PCDHA8: variants seen among roughly 807,000 people sequenced by gnomAD.
PCDHA8 encodes the protein protocadherin alpha-8.
A neutral mutation model predicts 61.8 loss-of-function variants in PCDHA8; 53 were observed. The ratio of observed to expected loss-of-function variants is 0.86; its 90% CI spans 0.69 to 1.08. The LOEUF is 1.08. PCDHA8 is among the 50% of genes least tolerant of loss of function. The pLI, the probability that PCDHA8 is intolerant of heterozygous loss-of-function variation, is 0.00. For missense variants in PCDHA8, 1,293 were observed against 1,245.0 expected (o/e 1.04, Z -0.58); for synonymous variants, 618 against 556.6 (o/e 1.11, Z -1.55).
In PCDHA8 at chr5:140,841,782, T is replaced by C. The variant is rs1777485845; in HGVS notation, c.461T>C (p.Leu154Pro). The C allele has an allele frequency of 6.2e-7, 1 of 1,613,764 alleles. No individual in the cohort carries two copies. The highest frequency in any genetic ancestry group is 8.5e-7 in the Non-Finnish European group (1 of 1,179,868). Reference protein sequence around the residue: ...ESRMPDSRFPLEGASDADVGA... With the variant: ...ESRMPDSRFPPEGASDADVGA... Reference sequence around the variant, plus strand: ...AGAATGCCAGACTCTCGGTTTCCGCTAGAGGGCGCGTCCGATGCAGATGTT... The same window carrying C: ...AGAATGCCAGACTCTCGGTTTCCGCCAGAGGGCGCGTCCGATGCAGATGTT... Residue 154 changes from leucine (L) to proline (P), a missense_variant, in exon 1 of 4, where the codon CTA becomes CCA. Coordinates refer to ENST00000531613, the MANE Select transcript of PCDHA8 (RefSeq NM_018911.3).
At position 140,892,381 on chromosome 5, in the gene PCDHA8, G is replaced by A. The variant is rs534818455; in HGVS notation, c.2394+48666G>A. Among the ~76,000 whole-genome samples the A allele has an allele frequency of 2.6e-5, 4 of 152,070 alleles. No individual in the cohort carries two copies. The South Asian group carries it at 8.3e-4, about 32-fold the overall frequency. On this transcript the variant is annotated intron_variant, in intron 1 of 3. Coordinates refer to ENST00000531613, the MANE Select transcript of PCDHA8 (RefSeq NM_018911.3). ...GCATCTTGGGGCACTAGCAATCATG[G>A]GTAATCTTAATCTATTTCAAGCTTC...
At position 140,843,568 on chromosome 5, in the gene PCDHA8, A is replaced by G; in HGVS notation, c.2247A>G (p.Ser749=). Residue 749 remains serine, a synonymous_variant, in exon 1 of 4, where the codon TCA becomes TCG. Transcript: ENST00000531613. The stretch of plus-strand genomic sequence containing the variant: ...GCTCCAGTGCGGTGGGGAGCTGGTC[A>G]TACTCGCAACAACAGCCGCAGAGGG... ...LVCSSAVGSW[S]YSQQQPQRVC... The G allele has an allele frequency of 6.3e-7, 1 of 1,595,946 alleles. No individual in the cohort carries two copies. Among genetic ancestry groups the G allele is most frequent in the Non-Finnish European group, 8.6e-7 (1 of 1,165,464 alleles).
chr5:140,872,015 G>T (rs1322069149), intron 1 of PCDHA8, among the ~76,000 whole-genome samples: 3 of 152,208 alleles, frequency 2.0e-5, no homozygotes, highest in Non-Finnish European at 4.4e-5. Flanking sequence ...GTGACCTGTA[G>T]CCTGGAACTG....
intron 1 of PCDHA8, chr5:140,869,060 T>C (rs1490534322): frequency 2.6e-6 from 4 of 1,556,804 alleles, no homozygotes; most frequent in East Asian, 2.2e-5. Context: ...AATCTGGTAC[T>C]GTAAGTGTAA....
At chr5:140,887,928 A>G (rs1345223604) in intron 1 of PCDHA8, among the ~76,000 whole-genome samples, 1 of 152,138 alleles carries the variant, frequency 6.6e-6, no homozygotes, top group Non-Finnish European at 1.5e-5. Flanking sequence ...TTCAGAGACC[A>G]TATTTATTTC....
intron 1 of PCDHA8, chr5:140,967,773 A>C (rs1285230643): frequency 1.9e-6 from 3 of 1,614,108 alleles, no homozygotes; most frequent in Non-Finnish European, 1.7e-6. Context: ...ATCTATGTGC[A>C]GGCGACTGAC....
chr5:140,990,758 C>G (rs1432023166), intron 3 of PCDHA8, among the ~76,000 whole-genome samples: 1 of 152,162 alleles, frequency 6.6e-6, no homozygotes, highest in African/African-American at 2.4e-5. Flanking sequence ...ACCTTTGAGC[C>G]TGTAAATTTG....
At chr5:140,985,290 A>G (rs1471502675) in intron 3 of PCDHA8, among the ~76,000 whole-genome samples, 1 of 152,108 alleles carries the variant, frequency 6.6e-6, no homozygotes, top group Non-Finnish European at 1.5e-5. Flanking sequence ...TCTATGATAT[A>G]GTGTTGGCTG....
intron 3 of PCDHA8, among the ~76,000 whole-genome samples, chr5:141,000,423 T>TC (rs2097932931): frequency 9.0e-5 from 6 of 66,856 alleles, no homozygotes; most frequent in African/African-American, 3.6e-4. Flanking sequence ...ATATATATAT[T>TC]TTTTTTTTTT....
chr5:140,868,937 C>T (rs2050742656), intron 1 of PCDHA8: 1 of 1,209,168 alleles, frequency 8.3e-7, no homozygotes, highest in East Asian at 2.5e-5. Flanking sequence ...AAAGGTTGGT[C>T]TGAACAGTGA....
intron 3 of PCDHA8, among the ~76,000 whole-genome samples, chr5:141,002,612 C>G (rs1487847560): frequency 1.3e-5 from 2 of 152,178 alleles, no homozygotes; most frequent in Non-Finnish European, 2.9e-5. Context: ...AAAACAGACA[C>G]ATAACACAGA....
chr5:140,881,757 A>G (rs1238055344), intron 1 of PCDHA8, among the ~76,000 whole-genome samples: 1 of 152,166 alleles, frequency 6.6e-6, no homozygotes, highest in Non-Finnish European at 1.5e-5. Flanking sequence ...TACCACAAAA[A>G]CCTACATGAC....
At chr5:140,895,590 T>C (rs1554186569) in intron 1 of PCDHA8, among the ~76,000 whole-genome samples, 2 of 152,208 alleles carry the variant, frequency 1.3e-5, no homozygotes, top group Non-Finnish European at 2.9e-5. Context: ...ATTAGATATA[T>C]AATTTGCAAA....
In PCDHA8 at chr5:140,999,778, T is replaced by G. The variant is rs1252583642; in HGVS notation, c.2543-9849T>G. On this transcript the variant is annotated intron_variant, in intron 3 of 3. Coordinates refer to ENST00000531613, the MANE Select transcript of PCDHA8 (RefSeq NM_018911.3). ...ACATGATGTCTTTATACTCTTAACC[T>G]AGAAATGGCAGAGTTATTTTGGGCA... 3.0e-4 allele frequency among the ~76,000 whole-genome samples: 46 copies of G among 152,162 alleles called. 1 individual carries two copies.
At chr5:140,971,661 TAGAG>T (rs2096491377) in intron 1 of PCDHA8, among the ~76,000 whole-genome samples, 1 of 152,064 alleles carries the variant, frequency 6.6e-6, no homozygotes, top group Non-Finnish European at 1.5e-5. Context: ...AGATGGGAAT[TAGAG>T]AGGAAGAGTA....
intron 1 of PCDHA8, among the ~76,000 whole-genome samples, chr5:140,898,923 T>G (rs2067045385): frequency 6.6e-6 from 1 of 152,144 alleles, no homozygotes; most frequent in South Asian, 2.1e-4. Flanking sequence ...GTAAGTTGGA[T>G]TCCTAAGTAT....
chr5:140,857,728 C>T lies in PCDHA8; in HGVS notation c.2394+14013C>T, dbSNP rs781841380. ...TGTTCGTGCTGGACGAGAACGACAACGCTCCCGCGCTGCTGGCGTCTCCCG... is the reference window on the plus strand; with the variant it reads ...TGTTCGTGCTGGACGAGAACGACAATGCTCCCGCGCTGCTGGCGTCTCCCG... On this transcript the variant is annotated intron_variant, in intron 1 of 3. Transcript: ENST00000531613. 5.6e-6 allele frequency: 9 copies of T among 1,597,306 alleles called. 1 individual carries two copies. Among genetic ancestry groups the T allele is most frequent in the Non-Finnish European group, 5.1e-6 (6 of 1,167,718 alleles).
At chr5:140,870,771 C>A (rs370490786) in intron 1 of PCDHA8, 1 of 1,613,466 alleles carries the variant, frequency 6.2e-7, no homozygotes, top group Non-Finnish European at 8.5e-7. Context: ...TCGTGCTGGA[C>A]GAGAACGACA....
At chr5:140,857,747 T>A in intron 1 of PCDHA8, 1 of 1,597,058 alleles carries the variant, frequency 6.3e-7, no homozygotes, top group Non-Finnish European at 8.6e-7. Flanking sequence ...GCTGCTGGCG[T>A]CTCCCGCTGG....
Sources: gnomAD v4.1 joint callset for allele counts (sites outside exome capture counted in the v4.1 genomes callset) on GRCh38, gnomAD v4.1.1 for gene constraint, MANE v1.5 for transcripts, NCBI Gene and HGNC (gene_info 2026-07-23, HGNC 2026-07-21) for gene names.